The following GOLGA5 variants were observed in gnomAD, a reference collection of about 807,000 sequenced individuals.
GOLGA5 encodes golgin A5.
GOLGA5 carries 50 observed loss-of-function variants against 93.5 expected under a neutral mutation model. That is an observed-to-expected ratio of 0.53 (90% confidence interval 0.43 to 0.68). The LOEUF is 0.68. Among genes scored for constraint, GOLGA5 ranks in the 30% least tolerant of loss-of-function variants. The pLI is 0.00. For missense variants in GOLGA5, 760 were observed against 856.4 expected (o/e 0.89, Z 1.40); for synonymous variants, 312 against 304.5 (o/e 1.02, Z -0.26).
At chr14:92,817,853 T>C (rs1885241533) in intron 7 of GOLGA5, among the ~76,000 whole-genome samples, 1 of 152,210 alleles carries the variant, frequency 6.6e-6, no homozygotes, top group African/African-American at 2.4e-5. Context: ...CTTGCGGAGC[T>C]TTAATTTTCT....
chr14:92,809,311 G>A lies in GOLGA5; in HGVS notation c.784G>A (p.Ala262Thr). 1 of 1,608,760 alleles carries A rather than the reference G, an allele frequency of 6.2e-7. No individual in the cohort carries two copies. The highest frequency in any genetic ancestry group is 8.5e-7 in the Non-Finnish European group (1 of 1,175,136). Residue 262 changes from alanine (A) to threonine (T), a missense_variant, in exon 4 of 13, where the codon GCA becomes ACA. Transcript: ENST00000163416. ...SKETQEELNK[A>T]RARVEKWNAD... The stretch of plus-strand genomic sequence containing the variant: ...AAATTTTTTAATAGAATTAAACAAA[G>A]CAAGAGCAAGAGTTGAAAAGTGGAA...
Position 92,839,786 on chromosome 14 carries a change from C to CTAAT in GOLGA5, c.*342_*345dup, listed in dbSNP as rs562975471. ...TGATTATGGGTTATAATCAGGGAAA[C>CTAAT]TAATTGTATTTAGTGACAAAAATAA... On this transcript the variant is annotated 3_prime_UTR_variant, in exon 13 of 13. Coordinates refer to ENST00000163416, the MANE Select transcript of GOLGA5 (RefSeq NM_005113.4). The CTAAT allele has an allele frequency of 2.0e-3, 552 of 270,968 alleles. 1 individual carries two copies. The highest frequency in any genetic ancestry group is 0.011 in the African/African-American group (505 of 44,644). 16.8% of individuals were successfully genotyped at this position (270,968 alleles called of 1,614,324 possible). A position where few individuals can be genotyped will look rare whatever the true frequency, so the allele number is the denominator to read the frequency against.
chr14:92,827,734 C>CA (rs1171511447), intron 9 of GOLGA5, among the ~76,000 whole-genome samples: 1 of 152,170 alleles, frequency 6.6e-6, no homozygotes, highest in Non-Finnish European at 1.5e-5. Context: ...GTTTTAAATG[C>CA]AAAGGAAAAG....
In GOLGA5 at chr14:92,806,769, G is replaced by A; in HGVS notation, c.578G>A (p.Gly193Asp). 6 of 1,613,620 alleles carry A rather than the reference G, an allele frequency of 3.7e-6. No individual in the cohort carries two copies. The highest frequency in any genetic ancestry group is 2.2e-5 in the East Asian group (1 of 44,880). ...AGTAACTCAGATTCTAGCCATGAAG[G>A]TCAAGAGGAATCTTCAAAGGAAAAT... ...AASNSDSSHE[G>D]QEESSKENVS... The change falls in exon 3 of 13, where the codon GGT (glycine) becomes GAT (aspartate). Residue 193 changes from glycine to aspartate, a missense_variant. Coordinates refer to ENST00000163416, the MANE Select transcript of GOLGA5 (RefSeq NM_005113.4).
chr14:92,806,009 A>AC (rs1293660137), intron 2 of GOLGA5, among the ~76,000 whole-genome samples: 1 of 146,192 alleles, frequency 6.8e-6, no homozygotes, highest in Admixed American at 6.8e-5. Flanking sequence ...CCTTGTAGTG[A>AC]CCTGTTATTA....
At chr14:92,808,828 A>C (rs1056636596) in intron 3 of GOLGA5, among the ~76,000 whole-genome samples, 33 of 152,272 alleles carry the variant, frequency 2.2e-4, no homozygotes, top group African/African-American at 7.9e-4. Flanking sequence ...GAAATAGAGC[A>C]CTACTTTGCT....
rs1036131707 is a variant in GOLGA5 at position 92,806,893 on chromosome 14, G to A, written c.702G>A (p.Leu234=). ...LSNLRLENQL[L]RNEVQSLNQE... ...ACCTTCGACTGGAGAATCAGCTGCT[G>A]AGGAATGAAGTTCAGTCTTTAAATC... Residue 234 remains leucine (L), a synonymous_variant, in exon 3 of 13, where the codon CTG becomes CTA. Coordinates refer to ENST00000163416, the MANE Select transcript of GOLGA5 (RefSeq NM_005113.4). 6.2e-6 allele frequency: 10 copies of A among 1,613,818 alleles called. No homozygotes were observed. In the African/African-American group the frequency reaches 1.3e-4, roughly 22 times the overall value.
Position 92,839,393 on chromosome 14 carries a change from G to A in GOLGA5, c.2143G>A (p.Val715Ile), listed in dbSNP as rs757362596. Residue 715 changes from valine to isoleucine, a missense_variant, in exon 13 of 13, where the codon GTT becomes ATT. Transcript: ENST00000163416. ...MALLHLWVMI[V>I]LLTYTPEMHH... Reference sequence around the variant, plus strand: ...TTTGCTTCACCTCTGGGTCATGATTGTTCTGTTGACTTACACACCAGAAAT... The same window carrying A: ...TTTGCTTCACCTCTGGGTCATGATTATTCTGTTGACTTACACACCAGAAAT... 2 of 1,612,606 alleles carry A rather than the reference G, an allele frequency of 1.2e-6. No individual in the cohort carries two copies. Among genetic ancestry groups the A allele is most frequent in the East Asian group, 2.2e-5 (1 of 44,876 alleles).
At position 92,796,053 on chromosome 14, in the gene GOLGA5, ACTTAG is replaced by A. The variant is rs759705111; in HGVS notation, c.-30-1350_-30-1346del. On this transcript the variant is annotated intron_variant, in intron 1 of 12. Coordinates refer to ENST00000163416, the MANE Select transcript of GOLGA5 (RefSeq NM_005113.4). Reference sequence around the variant, plus strand: ...TATGCAATTTTGGTTTTTATTCTGGACTTAGCTTAATGTGCACATGGTAGGTATTG... The same window carrying A: ...TATGCAATTTTGGTTTTTATTCTGGACTTAATGTGCACATGGTAGGTATTG... 1.4e-4 allele frequency among the ~76,000 whole-genome samples: 21 copies of A among 152,346 alleles called. No homozygotes were observed. The South Asian group carries it at 1.7e-3, about 12-fold the overall frequency.
intron 11 of GOLGA5, among the ~76,000 whole-genome samples, chr14:92,836,687 G>A (rs1885648002): frequency 6.6e-6 from 1 of 152,084 alleles, no homozygotes; most frequent in Non-Finnish European, 1.5e-5. Flanking sequence ...GCTATTTGCA[G>A]GTTAATGCCA....
chr14:92,799,474 GAC>G (rs1168849173), intron 2 of GOLGA5, among the ~76,000 whole-genome samples: 1 of 145,484 alleles, frequency 6.9e-6, no homozygotes, highest in Non-Finnish European at 1.5e-5. Flanking sequence ...TTTTAGTAGA[GAC>G]AGGGTTTCAC....
At chr14:92,810,572 GAC>G (rs1381864265) in intron 5 of GOLGA5, 195 bp downstream of exon 5, 2 of 373,134 alleles carry the variant, frequency 5.4e-6, no homozygotes, top group Non-Finnish European at 9.5e-6. Flanking sequence ...TGTGTTGAGA[GAC>G]AATTAAAATA....
intron 3 of GOLGA5, among the ~76,000 whole-genome samples, chr14:92,807,251 G>A (rs531381179): frequency 3.3e-5 from 5 of 152,238 alleles, no homozygotes; most frequent in East Asian, 3.9e-4. Flanking sequence ...GCAGTGAACC[G>A]AGATTGCACT....
chr14:92,837,498 GTTTT>G lies in GOLGA5; in HGVS notation c.2115+57_2115+60del, dbSNP rs557995443. 2.0e-5 allele frequency: 13 copies of G among 643,586 alleles called. No homozygotes were observed. In the African/African-American group the frequency reaches 2.4e-4, roughly 12 times the overall value. The allele number at this position is 643,586 out of a possible 1,614,324, so 39.9% of individuals were successfully genotyped here. On this transcript the variant is annotated intron_variant, in intron 12 of 12. Coordinates refer to ENST00000163416, the MANE Select transcript of GOLGA5 (RefSeq NM_005113.4). ...CAATGATGCACTTGATTTTTAACTA[GTTTT>G]TTTTTTTGTTTGTTTGTTTGTTTTG... is the stretch of plus-strand genomic sequence containing the variant.
At chr14:92,832,201 G>A (rs985008094) in intron 9 of GOLGA5, among the ~76,000 whole-genome samples, 10 of 152,092 alleles carry the variant, frequency 6.6e-5, no homozygotes, top group African/African-American at 2.4e-4. Flanking sequence ...TGTTGATTAG[G>A]GGATCACAGT....
rs552004921 is a variant in GOLGA5 at position 92,814,569 on chromosome 14, TAAAA to T, written c.1321-1677_1321-1674del. On this transcript the variant is annotated intron_variant, in intron 6 of 12. Transcript: ENST00000163416. ...GGTTGGGAGGTTTCTGGTTTTTTATTAAAAAAAATCTTAAAATGTTATAAATGAT... is the reference window on the plus strand; with the variant it reads ...GGTTGGGAGGTTTCTGGTTTTTTATTAAAATCTTAAAATGTTATAAATGAT... Among the ~76,000 whole-genome samples, 185 of 151,976 alleles carry T rather than the reference TAAAA, an allele frequency of 1.2e-3. 1 individual carries two copies. Among genetic ancestry groups the T allele is most frequent in the Middle Eastern group, 6.8e-3 (2 of 294 alleles).
chr14:92,809,600 T>C, intron 4 of GOLGA5, 81 bp downstream of exon 4: 1 of 830,170 alleles, frequency 1.2e-6, no homozygotes, highest in South Asian at 1.6e-5. Context: ...AACTTAGCTT[T>C]CTTGGAAATT....
At chr14:92,817,963 ATAAT>A (rs1885243240) in intron 7 of GOLGA5, among the ~76,000 whole-genome samples, 1 of 152,218 alleles carries the variant, frequency 6.6e-6, no homozygotes, top group Non-Finnish European at 1.5e-5. Context: ...CCTCAGTTAA[ATAAT>A]AGCTGCTATT....
chr14:92,814,496 A>C (rs1595596482), intron 6 of GOLGA5, among the ~76,000 whole-genome samples: 1 of 152,180 alleles, frequency 6.6e-6, no homozygotes, highest in African/African-American at 2.4e-5. Context: ...ACATGGAGGC[A>C]GGGTACTTGA....
Sources: gnomAD v4.1 joint callset for allele counts (sites outside exome capture counted in the v4.1 genomes callset) on GRCh38, gnomAD v4.1.1 for gene constraint, MANE v1.5 for transcripts, NCBI Gene and HGNC (gene_info 2026-07-23, HGNC 2026-07-21) for gene names.